The following COXFA4L2 variants were observed in gnomAD, a reference collection of about 807,000 sequenced individuals.
COXFA4L2 encodes the protein cytochrome c oxidase hypoxia associated subunit FA4L2.
the COXFA4L2 span, chr12:57,237,305 C>A: frequency 3.5e-6 from 5 of 1,428,078 alleles, no homozygotes; most frequent in Admixed American, 2.9e-5. Flanking sequence ...GTGGTTTCTG[C>A]TCTCCGACTC....
chr12:57,236,166 T>C, the COXFA4L2 span: 5 of 329,768 alleles, frequency 1.5e-5, no homozygotes, highest in Non-Finnish European at 2.8e-5. Flanking sequence ...CCGGGAATTA[T>C]AAAGCCATGG....
At chr12:57,238,042 A>AGG in the COXFA4L2 span, 3 of 152,390 alleles carry the variant, frequency 2.0e-5, no homozygotes, top group Non-Finnish European at 4.4e-5. The surrounding 1 kb of genome is among the most constrained non-coding windows in gnomAD (Gnocchi z 6.8). Flanking sequence ...TTTGGGTCTT[A>AGG]GGGACGTAGG....
the COXFA4L2 span, among the ~76,000 whole-genome samples, chr12:57,239,355 C>G: frequency 1.3e-5 from 2 of 152,262 alleles, no homozygotes; most frequent in East Asian, 1.9e-4. The surrounding 1 kb of genome is among the most constrained non-coding windows in gnomAD (Gnocchi z 5.5). Flanking sequence ...ACGCCCAGCC[C>G]GTCACTCCGC....
At chr12:57,235,683 G>A in the COXFA4L2 span, 8 of 1,612,594 alleles carry the variant, frequency 5.0e-6, no homozygotes, top group South Asian at 8.8e-5. Flanking sequence ...TCTAGTACGG[G>A]AGTTGTGGGT....
At chr12:57,236,742 C>T in the COXFA4L2 span, 1 of 1,450,902 alleles carries the variant, frequency 6.9e-7, no homozygotes, top group Non-Finnish European at 9.3e-7. Flanking sequence ...CCCAGTCACC[C>T]TTTACAAGCT....
At chr12:57,239,352 GC>G in the COXFA4L2 span, among the ~76,000 whole-genome samples, 1 of 152,194 alleles carries the variant, frequency 6.6e-6, no homozygotes, top group Non-Finnish European at 1.5e-5. The surrounding 1 kb of genome is among the most constrained non-coding windows in gnomAD (Gnocchi z 5.5). Context: ...TCCACGCCCA[GC>G]CCGTCACTCC....
the COXFA4L2 span, chr12:57,237,469 G>A: frequency 1.6e-6 from 1 of 624,002 alleles, no homozygotes; most frequent in Non-Finnish European, 2.3e-6. Flanking sequence ...TGTGTGGAAT[G>A]TTCACAGGTG....
At chr12:57,240,746 G>T in the COXFA4L2 span, 1 of 985,264 alleles carries the variant, frequency 1.0e-6, no homozygotes, top group Non-Finnish European at 1.2e-6. Context: ...CACATACACA[G>T]ACCTGCAGGC....
the COXFA4L2 span, chr12:57,235,789 G>A: frequency 3.3e-5 from 51 of 1,557,464 alleles, 2 homozygotes; most frequent in South Asian, 1.7e-4. Flanking sequence ...CCAGGGCTCC[G>A]GGTTGTTCTT....
the COXFA4L2 span, chr12:57,240,520 A>G: frequency 5.0e-6 from 1 of 198,628 alleles, no homozygotes; most frequent in South Asian, 1.8e-4. Flanking sequence ...AGAGAGGAAT[A>G]GAAATGGGGA....
chr12:57,236,266 C>T, the COXFA4L2 span: 17 of 363,492 alleles, frequency 4.7e-5, no homozygotes, highest in South Asian at 7.0e-4. Flanking sequence ...GCAGCTCACC[C>T]GGCCACAACC....
chr12:57,235,184 G>A, the COXFA4L2 span: 86 of 258,400 alleles, frequency 3.3e-4, no homozygotes, highest in Admixed American at 8.2e-4. Flanking sequence ...AGCCCGCCAC[G>A]TCGCTTGGCA....
chr12:57,237,115 A>T, the COXFA4L2 span: 3 of 1,614,120 alleles, frequency 1.9e-6, no homozygotes, highest in Non-Finnish European at 2.5e-6. Context: ...GGTCCTCTGC[A>T]GTGGCTCTGT....
At chr12:57,235,615 A>G in the COXFA4L2 span, 3 of 1,614,056 alleles carry the variant, frequency 1.9e-6, no homozygotes, top group Admixed American at 1.7e-5. Context: ...GGAAACTGCA[A>G]GGAACTAAGA....
chr12:57,238,918 G>A, the COXFA4L2 span, among the ~76,000 whole-genome samples: 1 of 152,176 alleles, frequency 6.6e-6, no homozygotes, highest in Non-Finnish European at 1.5e-5. The surrounding 1 kb of genome is among the most constrained non-coding windows in gnomAD (Gnocchi z 6.8). Context: ...TCCATCTTTG[G>A]TTCCCGTCTC....
chr12:57,240,101 CG>C, the COXFA4L2 span: 1 of 152,186 alleles, frequency 6.6e-6, no homozygotes, highest in Non-Finnish European at 1.5e-5. Flanking sequence ...AGCATCTGCT[CG>C]GGAGCCCCGG....
the COXFA4L2 span, among the ~76,000 whole-genome samples, chr12:57,238,414 G>T: frequency 1.5e-4 from 23 of 152,138 alleles, no homozygotes; most frequent in Non-Finnish European, 5.9e-5. This position sits in a 1 kb window ranked among gnomAD's most constrained non-coding sequence, Gnocchi z 6.8. Flanking sequence ...GTGTGGGGGG[G>T]GCGGGGGAGC....
At chr12:57,237,479 G>T in the COXFA4L2 span, 1 of 531,110 alleles carries the variant, frequency 1.9e-6, no homozygotes. Context: ...GTTCACAGGT[G>T]GGACCAGGAG....
chr12:57,236,763 C>A, the COXFA4L2 span: 8,142 of 1,287,056 alleles, frequency 6.3e-3, 315 homozygotes, highest in East Asian at 0.1. Flanking sequence ...TTTCTGCCCA[C>A]CCCAACCCCA....
Sources: gnomAD v4.1 joint callset for allele counts (sites outside exome capture counted in the v4.1 genomes callset) on GRCh38, gnomAD v4.1.1 for gene constraint, Gnocchi (gnomAD v3.1) non-coding constraint, MANE v1.5 for transcripts, NCBI Gene and HGNC (gene_info 2026-07-23, HGNC 2026-07-21) for gene names.